The following CDC42 variants were observed in gnomAD, a reference collection of about 807,000 sequenced individuals.
CDC42 encodes cell division cycle 42.
Under a neutral mutation model 20.8 loss-of-function variants are expected in CDC42, and 1 was observed. The observed-to-expected ratio is 0.05, with a 90% CI of 0.02 to 0.23. The LOEUF (loss-of-function observed/expected upper bound fraction) is 0.23, where lower values mean the gene tolerates loss of function less well. Ranked by LOEUF, CDC42 falls within the 10% of genes least tolerant of loss-of-function variation. The pLI, the probability that CDC42 is intolerant of heterozygous loss-of-function variation, is 1.00. For synonymous variants in CDC42, 72 were observed against 84.8 expected (o/e 0.85, Z 0.83); for missense variants, 49 against 227.9 (o/e 0.21, Z 5.05).
Position 22,093,595 on chromosome 1 carries a change from T to A in CDC42, c.*2078T>A, listed in dbSNP as rs1645735994. ...CTGTGGCCTCATTTTGATAGTTCTC[T>A]GCATGGAGTCATGTTTGGCATGATT... On this transcript the variant is annotated 3_prime_UTR_variant, in exon 6 of 6. Transcript: ENST00000656825. Among the ~76,000 whole-genome samples the A allele has an allele frequency of 6.6e-6, 1 of 152,224 alleles. No homozygotes were observed. The highest frequency in any genetic ancestry group is 1.5e-5 in the Non-Finnish European group (1 of 68,038).
At chr1:22,059,165 G>C (rs892211220) in intron 1 of CDC42, 2 of 148,826 alleles carry the variant, frequency 1.3e-5, no homozygotes, top group Non-Finnish European at 2.9e-5. Context: ...TGCTCTTGTT[G>C]CCCAGGCTGG....
chr1:22,065,916 G>A (rs1645418153), intron 1 of CDC42, among the ~76,000 whole-genome samples: 1 of 152,004 alleles, frequency 6.6e-6, no homozygotes, highest in African/African-American at 2.4e-5. Context: ...GCGCCACCAT[G>A]CCTGGCTAAT....
At chr1:22,053,700 A>G (rs1318322384) in intron 1 of CDC42, among the ~76,000 whole-genome samples, 5 of 152,202 alleles carry the variant, frequency 3.3e-5, no homozygotes, top group African/African-American at 1.2e-4. Context: ...TTCAAACAGC[A>G]TTTTGCAGCC....
chr1:22,085,969 C>G (rs997450934), intron 3 of CDC42, among the ~76,000 whole-genome samples: 1 of 152,138 alleles, frequency 6.6e-6, no homozygotes, highest in East Asian at 1.9e-4. Context: ...CCTCAGCCTT[C>G]CAAGTAGCTG....
At chr1:22,078,846 C>G (rs1203336455) in intron 2 of CDC42, 1 of 1,340,908 alleles carries the variant, frequency 7.5e-7, no homozygotes, top group Admixed American at 2.4e-5. Flanking sequence ...GTGGTGGTCT[C>G]AATTTGGTGA....
intron 1 of CDC42, among the ~76,000 whole-genome samples, chr1:22,069,770 G>A (rs887646286): frequency 6.7e-6 from 1 of 150,270 alleles, no homozygotes. Context: ...CCCAGCCTTG[G>A]TAGAGGTTTT....
Position 22,097,261 on chromosome 1 carries a change from ATTAC to A in CDC42, c.*5747_*5750del, listed in dbSNP as rs1645763816. Among the ~76,000 whole-genome samples the A allele has an allele frequency of 6.6e-6, 1 of 151,994 alleles. No individual in the cohort carries two copies. The highest frequency in any genetic ancestry group is 1.5e-5 in the Non-Finnish European group (1 of 67,984). On this transcript the variant is annotated 3_prime_UTR_variant, in exon 6 of 6. Coordinates refer to ENST00000656825, the MANE Select transcript of CDC42 (RefSeq NM_001791.4). ...CAGTTTTACCTCTTAAATCTGTATT[ATTAC>A]TTTTTTTTCGAGACCAGATCTTACT...
chr1:22,056,066 G>A (rs12074191), intron 1 of CDC42, among the ~76,000 whole-genome samples: 7 of 152,154 alleles, frequency 4.6e-5, no homozygotes, highest in Non-Finnish European at 7.3e-5. Context: ...TTCCTCATTA[G>A]ATTGTAAGTT....
At chr1:22,069,569 C>T (rs1254726396) in intron 1 of CDC42, among the ~76,000 whole-genome samples, 1 of 148,360 alleles carries the variant, frequency 6.7e-6, no homozygotes, top group African/African-American at 2.5e-5. Context: ...GTGGTTTCTC[C>T]CCTCAGCCTC....
At position 22,093,019 on chromosome 1, in the gene CDC42, G is replaced by C. The variant is rs1184699069; in HGVS notation, c.*1502G>C. On this transcript the variant is annotated 3_prime_UTR_variant, in exon 6 of 6. Transcript: ENST00000656825. ...ATTGAGGAGTGGGAATTTGACTCTT[G>C]ATAACATCAATTTCTAACAAACTTT... 3.3e-5 allele frequency: 5 copies of C among 152,580 alleles called. No individual in the cohort carries two copies. Among genetic ancestry groups the C allele is most frequent in the Non-Finnish European group, 5.9e-5 (4 of 68,030 alleles). 9.5% of individuals were successfully genotyped at this position (152,580 alleles called of 1,614,324 possible). A position where few individuals can be genotyped will look rare whatever the true frequency, so the allele number is the denominator to read the frequency against.
chr1:22,055,108 C>T (rs1645290204), intron 1 of CDC42, among the ~76,000 whole-genome samples: 1 of 150,882 alleles, frequency 6.6e-6, no homozygotes, highest in African/African-American at 2.4e-5. Context: ...CGCCCGCCAC[C>T]ACGCCCGGCT....
At chr1:22,064,754 G>A (rs1645403331) in intron 1 of CDC42, among the ~76,000 whole-genome samples, 1 of 149,240 alleles carries the variant, frequency 6.7e-6, no homozygotes, top group Non-Finnish European at 1.5e-5. Context: ...CAATCTCACT[G>A]CAACCTCTGC....
chr1:22,061,362 T>C (rs906474041), intron 1 of CDC42, among the ~76,000 whole-genome samples: 2 of 150,402 alleles, frequency 1.3e-5, no homozygotes, highest in Non-Finnish European at 3.0e-5. Context: ...GAGCCGAGAT[T>C]GCACCACTGC....
chr1:22,071,144 C>T (rs1407045582), intron 1 of CDC42, among the ~76,000 whole-genome samples: 2 of 147,434 alleles, frequency 1.4e-5, no homozygotes, highest in Non-Finnish European at 1.5e-5. Flanking sequence ...CACGGGTTCA[C>T]GCCATTCTCC....
In CDC42 at chr1:22,098,126, C is replaced by G. The variant is rs1203070502; in HGVS notation, c.*6609C>G. The stretch of plus-strand genomic sequence containing the variant: ...ATTCCTGGACCCTGTAGGATTTACT[C>G]TCAATCTTTAGGGGTAGAGACTAGG... On this transcript the variant is annotated 3_prime_UTR_variant, in exon 6 of 6. Transcript: ENST00000656825. 6.6e-6 allele frequency among the ~76,000 whole-genome samples: 1 copy of G among 152,184 alleles called. No individual in the cohort carries two copies. Among genetic ancestry groups the G allele is most frequent in the Non-Finnish European group, 1.5e-5 (1 of 68,034 alleles).
intron 5 of CDC42, chr1:22,090,007 C>G (rs775176376): frequency 6.2e-7 from 1 of 1,614,028 alleles, no homozygotes; most frequent in Non-Finnish European, 8.5e-7. Flanking sequence ...GAAACTCAAC[C>G]CAAAAGGAAG....
intron 2 of CDC42, 116 bp downstream of exon 2, chr1:22,078,699 T>G (rs1645576762): frequency 6.6e-7 from 1 of 1,509,498 alleles, no homozygotes; most frequent in African/African-American, 1.4e-5. Context: ...GTTTCCTGTT[T>G]TTAAAGATCT....
chr1:22,079,831 C>T (rs1557902847), intron 2 of CDC42, among the ~76,000 whole-genome samples: 1 of 151,996 alleles, frequency 6.6e-6, no homozygotes, highest in Non-Finnish European at 1.5e-5. Context: ...TGACTTTGAT[C>T]TTCTGGTGTT....
At chr1:22,058,553 A>C (rs1386914624) in intron 1 of CDC42, among the ~76,000 whole-genome samples, 2 of 147,192 alleles carry the variant, frequency 1.4e-5, no homozygotes, top group Non-Finnish European at 3.0e-5. Flanking sequence ...CATGATCTCC[A>C]CTCACTGCAA....
Sources: gnomAD v4.1 joint callset for allele counts (sites outside exome capture counted in the v4.1 genomes callset) on GRCh38, gnomAD v4.1.1 for gene constraint, MANE v1.5 for transcripts, NCBI Gene and HGNC (gene_info 2026-07-23, HGNC 2026-07-21) for gene names.